The following CNTN2 variants were observed in gnomAD, a reference collection of about 807,000 sequenced individuals.
CNTN2 encodes the protein contactin 2.
In CNTN2, 53 loss-of-function variants were observed where a neutral mutation model predicts 117.5. The ratio of observed to expected loss-of-function variants is 0.45; its 90% CI spans 0.36 to 0.57. The LOEUF is 0.57. Among genes scored for constraint, CNTN2 ranks in the 20% least tolerant of loss-of-function variants. The probability of loss-of-function intolerance (pLI) is 0.00; values close to 1 mark genes in which losing one functional copy is unlikely to be tolerated. For synonymous variants in CNTN2, 530 were observed against 561.7 expected (o/e 0.94, Z 0.80); for missense variants, 1,106 against 1,404.3 (o/e 0.79, Z 3.39).
Position 205,058,809 on chromosome 1 carries a change from G to C in CNTN2, c.487+146G>C, listed in dbSNP as rs1177902264. 2.9e-6 allele frequency: 2 copies of C among 693,084 alleles called. No homozygotes were observed. The highest frequency in any genetic ancestry group is 4.8e-6 in the Non-Finnish European group (2 of 416,316). 42.9% of individuals were successfully genotyped at this position (693,084 alleles called of 1,614,324 possible). The stretch of plus-strand genomic sequence containing the variant: ...GGGACCCTAACTTTAAATGATCTGT[G>C]TTTCCTTTATAGGTCTGTCACTTTC... On this transcript the variant is annotated intron_variant, in intron 5 of 22. Coordinates refer to ENST00000331830, the MANE Select transcript of CNTN2 (RefSeq NM_005076.5). This position sits in a 1 kb window ranked among gnomAD's most constrained non-coding sequence, Gnocchi z 4.3.
chr1:205,072,789 A>G (rs1404152487), intron 21 of CNTN2, 194 bp downstream of exon 21: 1 of 659,472 alleles, frequency 1.5e-6, no homozygotes, highest in Non-Finnish European at 2.7e-6. Flanking sequence ...AAACGGGCAG[A>G]TGGTATCACT....
chr1:205,064,294 T>C, intron 10 of CNTN2, 28 bp from the exon 11 acceptor site: 1 of 1,533,204 alleles, frequency 6.5e-7, no homozygotes, highest in Non-Finnish European at 8.8e-7. Flanking sequence ...ACAGTACTTT[T>C]CTCTGTGGCT....
chr1:205,061,446 GC>G lies in CNTN2; in HGVS notation c.973+30del. 1 of 1,553,622 alleles carries G rather than the reference GC, an allele frequency of 6.4e-7. No individual in the cohort carries two copies. The highest frequency in any genetic ancestry group is 1.9e-5 in the Admixed American group (1 of 53,978). ...GTACAGAGCCAGGGACACCTTCTCCGCCCCTCCCGACCCCCCTTCCCGCCTT... is the reference window on the plus strand; with the variant it reads ...GTACAGAGCCAGGGACACCTTCTCCGCCCTCCCGACCCCCCTTCCCGCCTT... On this transcript the variant is annotated intron_variant, in intron 8 of 22. Coordinates refer to ENST00000331830, the MANE Select transcript of CNTN2 (RefSeq NM_005076.5). The surrounding 1 kb of genome is among the most constrained non-coding windows in gnomAD (Gnocchi z 4.8).
In CNTN2 at chr1:205,078,053, C is replaced by T. The variant is rs1042637154; in HGVS notation, c.*4288C>T. ...GTGTTATCATCAGGCTAAAGCATAC[C>T]TCCTTGTCCTGTTCTTCACTCCAGA... is the stretch of plus-strand genomic sequence containing the variant. On this transcript the variant is annotated 3_prime_UTR_variant, in exon 23 of 23. Coordinates refer to ENST00000331830, the MANE Select transcript of CNTN2 (RefSeq NM_005076.5). 1 of 152,170 alleles carries T rather than the reference C, an allele frequency of 6.6e-6. No individual in the cohort carries two copies. Among genetic ancestry groups the T allele is most frequent in the Non-Finnish European group, 1.5e-5 (1 of 68,046 alleles). The allele number at this position is 152,170 out of a possible 1,614,324, so 9.4% of individuals were successfully genotyped here. A position where few individuals can be genotyped will look rare whatever the true frequency, so the allele number is the denominator to read the frequency against.
intron 14 of CNTN2, chr1:205,066,128 A>C: frequency 1.5e-6 from 1 of 647,958 alleles, no homozygotes; most frequent in Non-Finnish European, 2.6e-6. Flanking sequence ...TCCACTCCTA[A>C]ACACATCCCA....
chr1:205,061,614 G>C lies in CNTN2; in HGVS notation c.973+194G>C, dbSNP rs1653987826. The C allele has an allele frequency of 1.3e-6, 1 of 784,414 alleles. No homozygotes were observed. Among genetic ancestry groups the C allele is most frequent in the Admixed American group, 3.2e-5 (1 of 31,518 alleles). The allele number at this position is 784,414 out of a possible 1,614,324, so 48.6% of individuals were successfully genotyped here. On this transcript the variant is annotated intron_variant, in intron 8 of 22. Coordinates refer to ENST00000331830, the MANE Select transcript of CNTN2 (RefSeq NM_005076.5). This position sits in a 1 kb window ranked among gnomAD's most constrained non-coding sequence, Gnocchi z 4.8. ...GTGGTCACCTCAGAGCTTCAGTCAGGGGTGCAGAAAGCACACAGGAGGCTC... is the reference window on the plus strand; with the variant it reads ...GTGGTCACCTCAGAGCTTCAGTCAGCGGTGCAGAAAGCACACAGGAGGCTC...
Position 205,066,536 on chromosome 1 carries a change from A to G in CNTN2, c.1912A>G (p.Ile638Val). Residue 638 changes from isoleucine (I) to valine (V), a missense_variant, in exon 15 of 23, where the codon ATC becomes GTC. Coordinates refer to ENST00000331830, the MANE Select transcript of CNTN2 (RefSeq NM_005076.5). ...CCGTGGCTTCGACAACCACAGCCCC[A>G]TCGCTAAGTACACCCTGCAAGCTCG... is the stretch of plus-strand genomic sequence containing the variant. ...WSRGFDNHSPIAKYTLQARTP... is the reference protein window; with the variant it reads ...WSRGFDNHSPVAKYTLQARTP... 1.2e-6 allele frequency: 2 copies of G among 1,614,108 alleles called. No homozygotes were observed. Among genetic ancestry groups the G allele is most frequent in the Non-Finnish European group, 1.7e-6 (2 of 1,180,026 alleles).
chr1:205,077,538 A>G lies in CNTN2; in HGVS notation c.*3773A>G, dbSNP rs901560096. On this transcript the variant is annotated 3_prime_UTR_variant, in exon 23 of 23. Coordinates refer to ENST00000331830, the MANE Select transcript of CNTN2 (RefSeq NM_005076.5). ...GGGGATTGCCAGAGAGGCTCTTAGC[A>G]TAAAAGGCATTAGGTGGGCATTTTT... The G allele has an allele frequency of 6.6e-6, 1 of 152,240 alleles. No homozygotes were observed. Among genetic ancestry groups the G allele is most frequent in the African/African-American group, 2.4e-5 (1 of 41,436 alleles). 9.4% of individuals were successfully genotyped at this position (152,240 alleles called of 1,614,324 possible). A position where few individuals can be genotyped will look rare whatever the true frequency, so the allele number is the denominator to read the frequency against.
Position 205,069,974 on chromosome 1 carries a change from A to G in CNTN2, c.2344A>G (p.Thr782Ala). The G allele has an allele frequency of 6.2e-7, 1 of 1,613,618 alleles. No individual in the cohort carries two copies. Among genetic ancestry groups the G allele is most frequent in the African/African-American group, 1.3e-5 (1 of 74,988 alleles). The change falls in exon 18 of 23, where the codon ACG (threonine) becomes GCG (alanine). Residue 782 changes from threonine (T) to alanine (A), a missense_variant. Transcript: ENST00000331830. ...VYSNESVRPYTPFEVKIRSYN... is the reference protein window; with the variant it reads ...VYSNESVRPYAPFEVKIRSYN... The stretch of plus-strand genomic sequence containing the variant: ...CAGCAACGAGAGCGTCCGGCCCTAC[A>G]CGCCCTTTGAGGTCAAGATCCGCAG...
At chr1:205,070,971 G>A (rs1448166123) in intron 19 of CNTN2, 3 of 151,098 alleles carry the variant, frequency 2.0e-5, no homozygotes, top group Admixed American at 2.0e-4. Flanking sequence ...ACTCCAGCCT[G>A]GGTGACAAAG....
At chr1:205,052,427 ATC>A (rs1214949785) in intron 1 of CNTN2, among the ~76,000 whole-genome samples, 6 of 152,218 alleles carry the variant, frequency 3.9e-5, no homozygotes, top group Non-Finnish European at 7.3e-5. Flanking sequence ...GCCTCAGCTC[ATC>A]TCTGTGCAAG....
At position 205,075,790 on chromosome 1, in the gene CNTN2, AG is replaced by A. The variant is rs1380610384; in HGVS notation, c.*2026del. Reference sequence around the variant, plus strand: ...TTACAAGCAAGGGTGCTAGGGGCTCAGCTATACGACCATTCTCCCTGACAGG... The same window carrying A: ...TTACAAGCAAGGGTGCTAGGGGCTCACTATACGACCATTCTCCCTGACAGG... On this transcript the variant is annotated 3_prime_UTR_variant, in exon 23 of 23. Transcript: ENST00000331830. 1 of 144,644 alleles carries A rather than the reference AG, an allele frequency of 6.9e-6. No individual in the cohort carries two copies. The highest frequency in any genetic ancestry group is 1.5e-5 in the Non-Finnish European group (1 of 67,008). 9.0% of individuals were successfully genotyped at this position (144,644 alleles called of 1,614,324 possible).
intron 1 of CNTN2, among the ~76,000 whole-genome samples, chr1:205,049,398 C>T (rs2096448390): frequency 6.6e-6 from 1 of 151,412 alleles, no homozygotes; most frequent in South Asian, 2.1e-4. Context: ...CACATATATA[C>T]ATATACATAT....
Position 205,064,423 on chromosome 1 carries a change from G to C in CNTN2, c.1342G>C (p.Ala448Pro). The C allele has an allele frequency of 6.2e-7, 1 of 1,612,900 alleles. No homozygotes were observed. The highest frequency in any genetic ancestry group is 1.1e-5 in the South Asian group (1 of 91,054). ...CTGCCAGCCCCGGGCAGCTCCAAAG[G>C]CCGTGGTGCTCTGGAGCAAAGGCAC... is the stretch of plus-strand genomic sequence containing the variant. Reference protein sequence around the residue: ...IPCQPRAAPKAVVLWSKGTEI... With the variant: ...IPCQPRAAPKPVVLWSKGTEI... Residue 448 changes from alanine to proline, a missense_variant, in exon 11 of 23, where the codon GCC becomes CCC. Coordinates refer to ENST00000331830, the MANE Select transcript of CNTN2 (RefSeq NM_005076.5).
chr1:205,047,284 C>T (rs967505626), intron 1 of CNTN2, among the ~76,000 whole-genome samples: 16 of 152,138 alleles, frequency 1.1e-4, no homozygotes, highest in African/African-American at 3.6e-4. Context: ...CTTCACCCCA[C>T]CCCTGCCAGC....
At chr1:205,057,664 A>C in intron 2 of CNTN2, 1 of 372,504 alleles carries the variant, frequency 2.7e-6, no homozygotes, top group Non-Finnish European at 4.8e-6. Flanking sequence ...GTATGGCCAG[A>C]TGGGGCCTGC....
chr1:205,052,821 G>A lies in CNTN2; in HGVS notation c.-86-279G>A, dbSNP rs78926127. Among the ~76,000 whole-genome samples, 1,120 of 151,788 alleles carry A rather than the reference G, an allele frequency of 7.4e-3. 9 individuals carry two copies. The highest frequency in any genetic ancestry group is 8.6e-3 in the Non-Finnish European group (580 of 67,678). On this transcript the variant is annotated intron_variant, in intron 1 of 22. Coordinates refer to ENST00000331830, the MANE Select transcript of CNTN2 (RefSeq NM_005076.5). Reference sequence around the variant, plus strand: ...GGTTCTTACCTCCCAATTAATCACTGCTTTCACTTCCTAAGCGGCACCCCA... The same window carrying A: ...GGTTCTTACCTCCCAATTAATCACTACTTTCACTTCCTAAGCGGCACCCCA...
At position 205,071,935 on chromosome 1, in the gene CNTN2, C is replaced by T. The variant is rs201687043; in HGVS notation, c.2545-12C>T. 2.4e-3 allele frequency: 3,776 copies of T among 1,604,092 alleles called. 8 individuals carry two copies. Among genetic ancestry groups the T allele is most frequent in the South Asian group, 3.6e-3 (319 of 88,844 alleles). Reference sequence around the variant, plus strand: ...TTGACTACTACCCCTTGGGTACCCCCGCCTCCTTCAGATCCGCTACTGGAA... The same window carrying T: ...TTGACTACTACCCCTTGGGTACCCCTGCCTCCTTCAGATCCGCTACTGGAA... On this transcript the variant is annotated splice_polypyrimidine_tract_variant and intron_variant, in intron 19 of 22. Coordinates refer to ENST00000331830, the MANE Select transcript of CNTN2 (RefSeq NM_005076.5).
At chr1:205,066,049 A>G in intron 14 of CNTN2, 140 bp downstream of exon 14, 1 of 1,039,290 alleles carries the variant, frequency 9.6e-7, no homozygotes, top group South Asian at 1.7e-5. Context: ...TGAGCTGGAT[A>G]TACCCTGTGG....
Sources: gnomAD v4.1 joint callset for allele counts (sites outside exome capture counted in the v4.1 genomes callset) on GRCh38, gnomAD v4.1.1 for gene constraint, Gnocchi (gnomAD v3.1) non-coding constraint, MANE v1.5 for transcripts, NCBI Gene and HGNC (gene_info 2026-07-23, HGNC 2026-07-21) for gene names.